Variants in DLG1 observed in about 807,000 individuals in gnomAD.
DLG1 encodes the protein disks large homolog 1.
DLG1 carries 42 observed loss-of-function variants against 123.4 expected under a neutral mutation model. The ratio of observed to expected loss-of-function variants is 0.34; its 90% CI spans 0.27 to 0.44. The LOEUF (loss-of-function observed/expected upper bound fraction) is 0.44. Ranked by LOEUF, DLG1 falls within the 20% of genes least tolerant of loss-of-function variation. DLG1 has a pLI of 1.00. For missense variants in DLG1, 942 were observed against 1,082.6 expected, an observed-to-expected ratio of 0.87 and a Z score of 1.82; for synonymous variants, 317 against 356.2, an observed-to-expected ratio of 0.89 and a Z score of 1.24.
intron 24 of DLG1, among the ~76,000 whole-genome samples, chr3:197,045,007 T>G (rs1721925581): frequency 6.6e-6 from 1 of 152,212 alleles, no homozygotes; most frequent in South Asian, 2.1e-4. Flanking sequence ...CTTTATTATT[T>G]TAAAACAAAT....
chr3:197,050,391 C>A (rs557125501), intron 24 of DLG1, among the ~76,000 whole-genome samples: 48 of 151,178 alleles, frequency 3.2e-4, no homozygotes, highest in Non-Finnish European at 4.3e-4. Context: ...ACAAAAAAAA[C>A]CCCCAAAAAA....
intron 6 of DLG1, among the ~76,000 whole-genome samples, chr3:197,148,245 C>CAAAAAACAAAAAAAAAAAA (rs1791975111): frequency 2.3e-5 from 1 of 43,298 alleles, no homozygotes. Flanking sequence ...ACCAAAAATA[C>CAAAAAACAAAAAAAAAAAA]AAAAAAAAAA....
At position 197,112,260 on chromosome 3, in the gene DLG1, T is replaced by C. The variant is rs934086264; in HGVS notation, c.1443+3667A>G. On this transcript the variant is annotated intron_variant, in intron 13 of 24. Coordinates refer to ENST00000667157, the MANE Select transcript of DLG1 (RefSeq NM_001366207.1). ...AATCTTCTTTAGTGTATAGTTAAGT[T>C]TTGGCAAATGTGAATTTCGTGCAGC... Among the ~76,000 whole-genome samples the C allele has an allele frequency of 5.9e-5, 9 of 152,216 alleles. No homozygotes were observed. The South Asian group carries it at 8.3e-4, about 14-fold the overall frequency.
chr3:197,178,833 C>A (rs1808532440), intron 5 of DLG1, among the ~76,000 whole-genome samples: 1 of 152,042 alleles, frequency 6.6e-6, no homozygotes. Context: ...TGATAATCTA[C>A]ACTCACACAA....
intron 11 of DLG1, among the ~76,000 whole-genome samples, chr3:197,122,574 C>T (rs1250951698): frequency 6.6e-6 from 1 of 152,102 alleles, no homozygotes; most frequent in East Asian, 1.9e-4. Flanking sequence ...TAAAACCTAA[C>T]ATTAACAAAT....
chr3:197,071,366 T>A (rs1578521545), intron 18 of DLG1, among the ~76,000 whole-genome samples: 1 of 151,384 alleles, frequency 6.6e-6, no homozygotes, highest in African/African-American at 2.4e-5. Context: ...GATATTTATA[T>A]AATAAAAAGT....
intron 6 of DLG1, among the ~76,000 whole-genome samples, chr3:197,144,555 T>C (rs375342916): frequency 6.6e-6 from 1 of 152,222 alleles, no homozygotes; most frequent in Non-Finnish European, 1.5e-5. Context: ...TAGTTTGTTA[T>C]GCAATGATAG....
intron 5 of DLG1, chr3:197,194,200 C>T (rs1317658966): frequency 1.1e-5 from 3 of 279,050 alleles, no homozygotes; most frequent in Non-Finnish European, 2.0e-5. Context: ...AATTTTTAGA[C>T]TTAAAGATAG....
At chr3:197,216,852 T>G (rs1409794848) in intron 4 of DLG1, among the ~76,000 whole-genome samples, 1 of 152,172 alleles carries the variant, frequency 6.6e-6, no homozygotes, top group Admixed American at 6.5e-5. Context: ...CCACCATTAA[T>G]GGCAAAGAGA....
At chr3:197,257,221 TATTTA>T (rs1168932966) in intron 4 of DLG1, among the ~76,000 whole-genome samples, 1 of 152,088 alleles carries the variant, frequency 6.6e-6, no homozygotes, top group Non-Finnish European at 1.5e-5. Flanking sequence ...TAAATATGAA[TATTTA>T]AATAAAAGAT....
intron 5 of DLG1, among the ~76,000 whole-genome samples, chr3:197,190,769 G>C (rs1718922557): frequency 6.6e-6 from 1 of 152,214 alleles, no homozygotes; most frequent in South Asian, 2.1e-4. Flanking sequence ...CCAGCACTGT[G>C]GGAGGCCGAG....
At chr3:197,296,774 G>A in intron 2 of DLG1, 1 of 354,346 alleles carries the variant, frequency 2.8e-6, no homozygotes, top group Non-Finnish European at 5.0e-6. Context: ...ATTAGCAACA[G>A]TTTCAGATTA....
intron 4 of DLG1, among the ~76,000 whole-genome samples, chr3:197,254,282 A>C (rs1474464666): frequency 6.6e-6 from 1 of 152,228 alleles, no homozygotes; most frequent in Admixed American, 6.5e-5. Context: ...CTCACAGTTC[A>C]TACACCCTAA....
At chr3:197,107,450 CAGG>C (rs1232065538) in intron 13 of DLG1, among the ~76,000 whole-genome samples, 3 of 151,962 alleles carry the variant, frequency 2.0e-5, no homozygotes, top group Non-Finnish European at 4.4e-5. Flanking sequence ...GAGGCTGAGG[CAGG>C]AGAATGGCGT....
At chr3:197,136,172 T>C (rs1023330125) in intron 10 of DLG1, among the ~76,000 whole-genome samples, 1 of 152,218 alleles carries the variant, frequency 6.6e-6, no homozygotes, top group African/African-American at 2.4e-5. Context: ...GTTGATGTTC[T>C]AATTCTTGGG....
At chr3:197,158,847 A>G (rs953931909) in intron 5 of DLG1, among the ~76,000 whole-genome samples, 2 of 152,208 alleles carry the variant, frequency 1.3e-5, no homozygotes, top group African/African-American at 4.8e-5. Context: ...ACAAAAAATT[A>G]GCTCTTAAAG....
At chr3:197,183,930 A>G (rs564768283) in intron 5 of DLG1, 1 of 1,438,946 alleles carries the variant, frequency 6.9e-7, no homozygotes, top group South Asian at 1.5e-5. Flanking sequence ...CAGTGAAAAT[A>G]AAAACCTTGA....
chr3:197,251,913 A>C (rs1432423856), intron 4 of DLG1, among the ~76,000 whole-genome samples: 1 of 152,250 alleles, frequency 6.6e-6, no homozygotes, highest in Non-Finnish European at 1.5e-5. Context: ...CGAGTGTGGG[A>C]AACAATGCCC....
Position 197,116,022 on chromosome 3 carries a change from C to T in DLG1, c.1348G>A (p.Gly450Arg). The T allele has an allele frequency of 6.2e-7, 1 of 1,613,442 alleles. No homozygotes were observed. The highest frequency in any genetic ancestry group is 8.5e-7 in the Non-Finnish European group (1 of 1,179,758). ...ATAAATATTCCTTCTCCATCTTCTCCTCCTACAATGTTGAAACCAAGGCCC... is the reference window on the plus strand; with the variant it reads ...ATAAATATTCCTTCTCCATCTTCTCTTCCTACAATGTTGAAACCAAGGCCC... ...STGLGFNIVGGEDGEGIFISF... is the reference protein window; with the variant it reads ...STGLGFNIVGREDGEGIFISF... The change falls in exon 13 of 25, where the codon GGA (glycine) becomes AGA (arginine). Residue 450 changes from glycine to arginine, a missense_variant. Transcript: ENST00000667157.
Sources: gnomAD v4.1 joint callset for allele counts (sites outside exome capture counted in the v4.1 genomes callset) on GRCh38, gnomAD v4.1.1 for gene constraint, MANE v1.5 for transcripts, NCBI Gene and HGNC (gene_info 2026-07-23, HGNC 2026-07-21) for gene names.